Variants in AVEN observed in about 807,000 individuals in gnomAD.
AVEN encodes the protein apoptosis and caspase activation inhibitor.
In AVEN, 41 loss-of-function variants were observed where a neutral mutation model predicts 38.1. That is an observed-to-expected ratio of 1.08 (90% CI 0.84 to 1.40). The LOEUF (loss-of-function observed/expected upper bound fraction) is 1.40, where lower values mean the gene tolerates loss of function less well. Among genes scored for constraint, AVEN ranks in the 40% most tolerant of loss-of-function variants. AVEN has a pLI of 0.00. For missense variants in AVEN, 605 were observed against 438.8 expected (o/e 1.38, Z -3.38); for synonymous variants, 206 against 171.8 (o/e 1.20, Z -1.56).
At chr15:33,863,263 C>A (rs7183856), downstream of AVEN, among the ~76,000 whole-genome samples, 119,766 of 152,128 alleles carry the variant, frequency 0.79, 47,854 homozygotes, top group East Asian at 0.99. Flanking sequence ...TCAGCCCCTA[C>A]GTATCAAACA....
Position 33,961,347 on chromosome 15 carries a change from C to T in AVEN, c.445+41685G>A, listed in dbSNP as rs541696650. Reference sequence around the variant, plus strand: ...CATTTCTCATTATGCATAAGAATTTCTCTTATTAAAGAAACTGATAAGTAA... The same window carrying T: ...CATTTCTCATTATGCATAAGAATTTTTCTTATTAAAGAAACTGATAAGTAA... On this transcript the variant is annotated intron_variant, in intron 2 of 5. Coordinates refer to ENST00000306730, the MANE Select transcript of AVEN (RefSeq NM_020371.3). Among the ~76,000 whole-genome samples, 5 of 152,198 alleles carry T rather than the reference C, an allele frequency of 3.3e-5. No individual in the cohort carries two copies. In the South Asian group the frequency reaches 1.0e-3, roughly 32 times the overall value.
intron 1 of AVEN, among the ~76,000 whole-genome samples, chr15:34,027,185 C>T (rs761561890): frequency 1.7e-4 from 26 of 152,056 alleles, no homozygotes; most frequent in Admixed American, 3.3e-4. Flanking sequence ...TGAACAGTAA[C>T]GTGCCCCATT....
At chr15:33,879,584 A>G (rs1891399546) in intron 2 of AVEN, among the ~76,000 whole-genome samples, 1 of 152,164 alleles carries the variant, frequency 6.6e-6, no homozygotes. Flanking sequence ...TAGTGAAGCA[A>G]TGTCTCGAAA....
chr15:34,053,311 A>ATAT (rs1900003279), intron 5 of AVEN, among the ~76,000 whole-genome samples: 1 of 97,186 alleles, frequency 1.0e-5, no homozygotes, highest in African/African-American at 4.2e-5. Flanking sequence ...AAAAAAAAAA[A>ATAT]AAAAAAAAAT....
intron 1 of AVEN, among the ~76,000 whole-genome samples, chr15:34,010,008 T>C (rs1404072531): frequency 1.3e-5 from 2 of 151,950 alleles, no homozygotes; most frequent in African/African-American, 4.8e-5. Context: ...TATAAACATA[T>C]GCTCCTAGGA....
intron 2 of AVEN, among the ~76,000 whole-genome samples, chr15:33,889,424 T>C (rs963233081): frequency 1.4e-4 from 22 of 152,220 alleles, no homozygotes; most frequent in Admixed American, 3.9e-4. Context: ...TTTGTTTTTG[T>C]GCACACTATG....
intron 2 of AVEN, among the ~76,000 whole-genome samples, chr15:33,920,067 C>A (rs970167081): frequency 6.6e-6 from 1 of 152,142 alleles, no homozygotes; most frequent in Non-Finnish European, 1.5e-5. Context: ...CCCCTTGTTA[C>A]CTTATTCTAC....
At chr15:33,921,577 A>G (rs556566820) in intron 2 of AVEN, among the ~76,000 whole-genome samples, 10 of 152,306 alleles carry the variant, frequency 6.6e-5, no homozygotes, top group African/African-American at 2.4e-4. Context: ...TGGAAAGGTA[A>G]GTTGGGAGCA....
At chr15:33,912,530 T>C (rs188046032) in intron 2 of AVEN, among the ~76,000 whole-genome samples, 1 of 152,316 alleles carries the variant, frequency 6.6e-6, no homozygotes, top group East Asian at 1.9e-4. Flanking sequence ...CAAAGTACAA[T>C]ACAAAACATC....
intron 2 of AVEN, among the ~76,000 whole-genome samples, chr15:33,943,645 G>A (rs548880300): frequency 1.6e-4 from 24 of 152,170 alleles, no homozygotes; most frequent in African/African-American, 5.8e-4. Context: ...AGACTAGCCT[G>A]GCCAACATGG....
upstream of AVEN, among the ~76,000 whole-genome samples, chr15:34,041,088 T>C (rs1899457139): frequency 6.6e-6 from 1 of 151,916 alleles, no homozygotes; most frequent in Non-Finnish European, 1.5e-5. Context: ...TTTCTCAATG[T>C]TGGCAAATTT....
At chr15:34,028,780 C>T (rs756691153) in intron 1 of AVEN, among the ~76,000 whole-genome samples, 1 of 152,006 alleles carries the variant, frequency 6.6e-6, no homozygotes, top group Admixed American at 6.6e-5. Flanking sequence ...ACAACTAGCA[C>T]ATGGGGGGTG....
At chr15:33,960,776 G>C (rs904995651) in intron 2 of AVEN, among the ~76,000 whole-genome samples, 2 of 152,042 alleles carry the variant, frequency 1.3e-5, no homozygotes, top group Admixed American at 6.6e-5. Context: ...ATTATTCCTT[G>C]ATATGCTTGT....
intron 2 of AVEN, chr15:33,971,999 A>C (rs1895658597): frequency 6.6e-6 from 1 of 152,118 alleles, no homozygotes; most frequent in Non-Finnish European, 1.5e-5. Flanking sequence ...GAGAGATGTA[A>C]GCACTATTAT....
chr15:33,934,490 T>C (rs1432284354), intron 2 of AVEN, among the ~76,000 whole-genome samples: 2 of 152,234 alleles, frequency 1.3e-5, no homozygotes, highest in Non-Finnish European at 2.9e-5. Context: ...ATTTCTCATT[T>C]GTTTTGTGTT....
At chr15:33,910,707 A>T (rs1229202955) in intron 2 of AVEN, among the ~76,000 whole-genome samples, 1 of 152,222 alleles carries the variant, frequency 6.6e-6, no homozygotes, top group Non-Finnish European at 1.5e-5. Flanking sequence ...TGAGGCTGGA[A>T]TAACAGGAAC....
At chr15:33,941,546 T>C (rs1451343367) in intron 2 of AVEN, among the ~76,000 whole-genome samples, 1 of 152,222 alleles carries the variant, frequency 6.6e-6, no homozygotes, top group Admixed American at 6.5e-5. Context: ...TCTTGTCTGG[T>C]TGTTCTAGTT....
chr15:33,871,471 G>C (rs1033254138), intron 3 of AVEN, among the ~76,000 whole-genome samples: 4 of 152,128 alleles, frequency 2.6e-5, no homozygotes, highest in Non-Finnish European at 5.9e-5. Context: ...GGGAGGCTGA[G>C]GCAGGAGAAT....
At chr15:34,026,546 G>A (rs911343849) in intron 1 of AVEN, among the ~76,000 whole-genome samples, 8 of 152,040 alleles carry the variant, frequency 5.3e-5, no homozygotes, top group African/African-American at 9.7e-5. Context: ...ATAAGCTGAC[G>A]TCACCCAGGA....
Sources: allele counts gnomAD v4.1 joint callset (sites outside exome capture counted in the v4.1 genomes callset), GRCh38; gene constraint gnomAD v4.1.1; transcripts MANE v1.5; gene names NCBI Gene and HGNC (gene_info 2026-07-23, HGNC 2026-07-21).